The following MOGAT1 variants were observed in gnomAD, a reference collection of about 807,000 sequenced individuals.
MOGAT1 encodes the protein monoacylglycerol O-acyltransferase 1, also known as 2-acylglycerol O-acyltransferase 1.
Under a neutral mutation model 31.4 loss-of-function variants are expected in MOGAT1, and 32 were observed. The observed-to-expected ratio is 1.02, with a 90% CI of 0.77 to 1.37. The LOEUF (loss-of-function observed/expected upper bound fraction) is 1.37. Ranked by LOEUF, MOGAT1 falls within the 40% of genes most tolerant of loss-of-function variation. The pLI is 0.00. For synonymous variants in MOGAT1, 145 were observed against 144.5 expected, an observed-to-expected ratio of 1.00 and a Z score of -0.03; for missense variants, 426 against 402.0, an observed-to-expected ratio of 1.06 and a Z score of -0.51.
At chr2:222,707,395 A>AAGAGGGAGG (rs1431172630) in intron 5 of MOGAT1, among the ~76,000 whole-genome samples, 7 of 146,272 alleles carry the variant, frequency 4.8e-5, no homozygotes, top group African/African-American at 1.8e-4. Flanking sequence ...AGAAAAGAGA[A>AAGAGGGAGG]AGAGGGAGGG....
chr2:222,705,751 T>G (rs1446406833), intron 5 of MOGAT1, among the ~76,000 whole-genome samples: 6 of 152,168 alleles, frequency 3.9e-5, no homozygotes, highest in Non-Finnish European at 8.8e-5. Flanking sequence ...GAATAACATC[T>G]AGTAGACCCT....
chr2:222,690,411 T>A (rs1166057464), intron 3 of MOGAT1, among the ~76,000 whole-genome samples: 1 of 151,010 alleles, frequency 6.6e-6, no homozygotes, highest in Non-Finnish European at 1.5e-5. Flanking sequence ...AATACAAAAA[T>A]TAGGGCATGG....
intron 5 of MOGAT1, among the ~76,000 whole-genome samples, chr2:222,703,597 C>T (rs910939971): frequency 6.6e-6 from 1 of 152,114 alleles, no homozygotes; most frequent in Non-Finnish European, 1.5e-5. Flanking sequence ...CACAAGCTGA[C>T]ATTGGGCATC....
intron 3 of MOGAT1, among the ~76,000 whole-genome samples, chr2:222,693,831 G>T (rs558494755): frequency 6.6e-6 from 1 of 152,122 alleles, no homozygotes; most frequent in Non-Finnish European, 1.5e-5. Flanking sequence ...ACAGTCAAAC[G>T]ATATCACATT....
rs184688614 is a variant in MOGAT1, at chr2:222,687,593, A to G, written c.95-751A>G. On this transcript the variant is annotated intron_variant, in intron 1 of 5. Transcript: ENST00000446656. ...ACTACAACCCAAGTCAAGTTTTGAC[A>G]GTTTTTGCCCCGTGTATTTTGAAGC... Among the ~76,000 whole-genome samples the G allele has an allele frequency of 2.4e-3, 373 of 152,350 alleles. 1 individual carries two copies. The highest frequency in any genetic ancestry group is 6.0e-3 in the South Asian group (29 of 4,830).
chr2:222,675,654 T>C (rs11678601), intron 1 of MOGAT1, among the ~76,000 whole-genome samples: 1,982 of 152,048 alleles, frequency 0.013, 32 homozygotes, highest in African/African-American at 0.042. Context: ...TGATTTTTTG[T>C]ATTTTTAGTA....
intron 5 of MOGAT1, among the ~76,000 whole-genome samples, chr2:222,708,364 G>A (rs1693038083): frequency 2.0e-5 from 3 of 152,292 alleles, no homozygotes; most frequent in South Asian, 2.1e-4. Flanking sequence ...GATTACAGGC[G>A]TGAGACACTG....
In MOGAT1 at chr2:222,707,394, A is replaced by T. The variant is rs558940741; in HGVS notation, c.854-2342A>T. Among the ~76,000 whole-genome samples, 76 of 149,740 alleles carry T rather than the reference A, an allele frequency of 5.1e-4. 1 individual carries two copies. In the South Asian group the frequency reaches 6.5e-3, roughly 13 times the overall value. On this transcript the variant is annotated intron_variant, in intron 5 of 5. Transcript: ENST00000446656. ...AAGAGAAAGAAAGAAAAGAAAAGAG[A>T]AAGAGGGAGGGAAGGGAGGGAAGGG...
At chr2:222,677,143 G>A (rs148697605) in intron 1 of MOGAT1, among the ~76,000 whole-genome samples, 33 of 152,222 alleles carry the variant, frequency 2.2e-4, no homozygotes, top group African/African-American at 7.0e-4. Context: ...ACCAAAACCA[G>A]ACCAGCAAGT....
In MOGAT1 at chr2:222,677,397, G is replaced by A. The variant is rs144389571; in HGVS notation, c.94+5518G>A. On this transcript the variant is annotated intron_variant, in intron 1 of 5. Coordinates refer to ENST00000446656, the MANE Select transcript of MOGAT1 (RefSeq NM_058165.3). Reference sequence around the variant, plus strand: ...AGATCAAGACCATCCTGGCTAACACGGTGAAACCCTGACTCTACTAAAAAG... The same window carrying A: ...AGATCAAGACCATCCTGGCTAACACAGTGAAACCCTGACTCTACTAAAAAG... 9.2e-3 allele frequency among the ~76,000 whole-genome samples: 1,394 copies of A among 152,154 alleles called. 25 individuals carry two copies. Among genetic ancestry groups the A allele is most frequent in the African/African-American group, 0.032 (1,332 of 41,486 alleles).
At chr2:222,688,767 T>A (rs1692714442) in intron 2 of MOGAT1, among the ~76,000 whole-genome samples, 1 of 152,122 alleles carries the variant, frequency 6.6e-6, no homozygotes, top group Non-Finnish European at 1.5e-5. Flanking sequence ...TCCTGCTGCA[T>A]CAGCCCATAG....
At chr2:222,671,969 A>G in intron 1 of MOGAT1, 90 bp downstream of exon 1, 4 of 1,069,712 alleles carry the variant, frequency 3.7e-6, no homozygotes, top group Non-Finnish European at 5.6e-6. Flanking sequence ...AGAACCTTCC[A>G]ACCCTCGTTC....
intron 5 of MOGAT1, among the ~76,000 whole-genome samples, chr2:222,701,756 T>C (rs1035961817): frequency 2.0e-5 from 3 of 152,122 alleles, no homozygotes; most frequent in Admixed American, 1.3e-4. Context: ...TTGTGGCTGA[T>C]GCTCCAGCGC....
At chr2:222,673,385 T>C (rs969820392) in intron 1 of MOGAT1, among the ~76,000 whole-genome samples, 4 of 146,592 alleles carry the variant, frequency 2.7e-5, no homozygotes, top group African/African-American at 1.0e-4. Flanking sequence ...CCTCACAGAC[T>C]ACACCGTGAG....
At position 222,689,453 on chromosome 2, in the gene MOGAT1, A is replaced by C; in HGVS notation, c.462A>C (p.Glu154Asp). 1.2e-6 allele frequency: 2 copies of C among 1,613,952 alleles called. No individual in the cohort carries two copies. The highest frequency in any genetic ancestry group is 1.7e-6 in the Non-Finnish European group (2 of 1,179,836). ...GGTTCTGGTGTCCTGTCTTTCGAGA[A>C]TATGTGATGAGTGTTGGTAAGTGAT... ...PLWFWCPVFREYVMSVGLVSV... is the reference protein window; with the variant it reads ...PLWFWCPVFRDYVMSVGLVSV... Residue 154 changes from glutamate to aspartate, a missense_variant, in exon 3 of 6, where the codon GAA becomes GAC. By Grantham distance (45) the Glu-to-Asp change is conservative. Coordinates refer to ENST00000446656, the MANE Select transcript of MOGAT1 (RefSeq NM_058165.3).
At chr2:222,701,865 C>T (rs897715341) in intron 5 of MOGAT1, among the ~76,000 whole-genome samples, 5 of 152,108 alleles carry the variant, frequency 3.3e-5, no homozygotes, top group Admixed American at 1.3e-4. Flanking sequence ...TGACTCTGAG[C>T]GACTTTGAAT....
chr2:222,688,450 A>G lies in MOGAT1; in HGVS notation c.201A>G (p.Arg67=), dbSNP rs541245640. Residue 67 remains arginine (R), a synonymous_variant, in exon 2 of 6, where the codon CGA becomes CGG. Transcript: ENST00000446656. ...WLYFDWHTPE[R]GGRRSSWIKN... is the part of the protein sequence containing the mutation. ...ACTTTGACTGGCATACCCCAGAGCG[A>G]GGAGGCAGGAGATCCAGCTGGATCA... 596 of 1,613,868 alleles carry G rather than the reference A, an allele frequency of 3.7e-4. 7 individuals are homozygous for G. The South Asian group carries it at 6.2e-3, about 17-fold the overall frequency.
chr2:222,694,708 T>A (rs1692816087), intron 4 of MOGAT1, among the ~76,000 whole-genome samples, 172 bp downstream of exon 4: 1 of 152,194 alleles, frequency 6.6e-6, no homozygotes, highest in Non-Finnish European at 1.5e-5. Flanking sequence ...TTTACTACAG[T>A]AGCTCAATGC....
chr2:222,694,192 T>C (rs1692807889), intron 3 of MOGAT1, among the ~76,000 whole-genome samples, 170 bp from the exon 4 acceptor site: 1 of 152,210 alleles, frequency 6.6e-6, no homozygotes, highest in Non-Finnish European at 1.5e-5. Flanking sequence ...ATTAATAGAA[T>C]ACATTACTAA....
Sources: gnomAD v4.1 joint callset for allele counts (sites outside exome capture counted in the v4.1 genomes callset) on GRCh38, gnomAD v4.1.1 for gene constraint, MANE v1.5 for transcripts, NCBI Gene and HGNC (gene_info 2026-07-23, HGNC 2026-07-21) for gene names.